MSRA: variants seen among roughly 807,000 people sequenced by gnomAD.
MSRA encodes methionine sulfoxide reductase A.
A neutral mutation model predicts 31.3 loss-of-function variants in MSRA; 54 were observed. The observed-to-expected ratio is 1.73, with a 90% confidence interval of 1.39 to 2.17. MSRA has a LOEUF of 2.17. Among genes scored for constraint, MSRA ranks in the 30% most tolerant of loss-of-function variants. The pLI is 0.00. For synonymous variants in MSRA, 169 were observed against 116.5 expected, an observed-to-expected ratio of 1.45 and a Z score of -2.90; for missense variants, 507 against 300.9, an observed-to-expected ratio of 1.69 and a Z score of -5.07.
At position 10,159,340 on chromosome 8, in the gene MSRA, A is replaced by C. The variant is rs184185228; in HGVS notation, c.143-48493A>C. On this transcript the variant is annotated intron_variant, in intron 1 of 5. Coordinates refer to ENST00000317173, the MANE Select transcript of MSRA (RefSeq NM_012331.5). Reference sequence around the variant, plus strand: ...TGGAGGGGTTGAGTTTGCATTTACTATCAAGAGAGGAGATCAGGAGTGGTC... The same window carrying C: ...TGGAGGGGTTGAGTTTGCATTTACTCTCAAGAGAGGAGATCAGGAGTGGTC... 1.3e-4 allele frequency among the ~76,000 whole-genome samples: 20 copies of C among 152,290 alleles called. No homozygotes were observed. The East Asian group carries it at 3.5e-3, about 26-fold the overall frequency.
intron 3 of MSRA, among the ~76,000 whole-genome samples, chr8:10,298,213 G>A (rs1365274538): frequency 1.3e-5 from 2 of 152,224 alleles, no homozygotes; most frequent in Non-Finnish European, 2.9e-5. Flanking sequence ...TGGTAAAAAG[G>A]TAGAGGCAAC....
intron 5 of MSRA, among the ~76,000 whole-genome samples, chr8:10,323,307 A>G (rs148198920): frequency 0.012 from 1,772 of 152,144 alleles, 16 homozygotes; most frequent in Middle Eastern, 0.051. Flanking sequence ...TAAAAGTCAC[A>G]TATGATAATG....
chr8:10,340,803 A>C (rs2129150270), intron 5 of MSRA, among the ~76,000 whole-genome samples: 1 of 152,388 alleles, frequency 6.6e-6, no homozygotes, highest in South Asian at 2.1e-4. Flanking sequence ...TACAAACTTA[A>C]AACCTGCAAA....
chr8:10,356,059 C>T (rs574620226), intron 5 of MSRA, among the ~76,000 whole-genome samples: 2 of 152,286 alleles, frequency 1.3e-5, no homozygotes, highest in South Asian at 4.2e-4. Context: ...CCTGAAGGCC[C>T]TTCATGTATC....
At chr8:10,358,118 G>A (rs1184811464) in intron 5 of MSRA, among the ~76,000 whole-genome samples, 8 of 152,040 alleles carry the variant, frequency 5.3e-5, no homozygotes, top group Non-Finnish European at 8.8e-5. Flanking sequence ...TAGTGGAGAC[G>A]GGGTTTCACC....
intron 2 of MSRA, among the ~76,000 whole-genome samples, chr8:10,236,298 G>A (rs1219079267): frequency 6.6e-6 from 1 of 152,146 alleles, no homozygotes; most frequent in Non-Finnish European, 1.5e-5. Flanking sequence ...ATAAGAATGG[G>A]AGAGGGAGAC....
rs372217134 is a variant in MSRA at position 10,301,664 on chromosome 8, T to C, written c.436+26T>C. 8.3e-6 allele frequency: 13 copies of C among 1,558,976 alleles called. No individual in the cohort carries two copies. The Admixed American group carries it at 2.1e-4, about 25-fold the overall frequency. On this transcript the variant is annotated intron_variant, in intron 4 of 5. Transcript: ENST00000317173. ...GTAGAGTGATGAGTGAGCCAGTATT[T>C]AATTATCTTACTAATTACAGCTGGG...
intron 2 of MSRA, 68 bp from the exon 3 acceptor site, chr8:10,245,036 G>A (rs1038720490): frequency 2.7e-6 from 4 of 1,496,620 alleles, no homozygotes; most frequent in Non-Finnish European, 3.6e-6. Context: ...ACAGGTGTAT[G>A]TGGATGTGCA....
chr8:10,073,191 A>T (rs76912457), intron 1 of MSRA, among the ~76,000 whole-genome samples: 1 of 152,142 alleles, frequency 6.6e-6, no homozygotes, highest in South Asian at 2.1e-4. Flanking sequence ...CTTTGTATCT[A>T]TCTTAGGGGA....
intron 5 of MSRA, among the ~76,000 whole-genome samples, chr8:10,326,929 G>C (rs1802395693): frequency 6.6e-6 from 1 of 152,126 alleles, no homozygotes; most frequent in Non-Finnish European, 1.5e-5. Flanking sequence ...AGCTCATTTA[G>C]GAATTAAATC....
chr8:10,400,866 C>G (rs547146515), intron 5 of MSRA, among the ~76,000 whole-genome samples: 1 of 152,252 alleles, frequency 6.6e-6, no homozygotes, highest in East Asian at 1.9e-4. Flanking sequence ...CCATACACAA[C>G]AATTAACTCA....
chr8:10,236,252 T>G (rs1811927423), intron 2 of MSRA, among the ~76,000 whole-genome samples: 1 of 152,186 alleles, frequency 6.6e-6, no homozygotes, highest in African/African-American at 2.4e-5. Context: ...TGGAAGGTCC[T>G]AGGCCAATGC....
rs80195883 is a variant in MSRA at position 10,212,645 on chromosome 8, T to G, written c.211+4744T>G. On this transcript the variant is annotated intron_variant, in intron 2 of 5. Coordinates refer to ENST00000317173, the MANE Select transcript of MSRA (RefSeq NM_012331.5). ...TTCAATAAGAGTGAGGGAATTGATC[T>G]GATTTTACAGTTGCAGTTTTAATAT... Among the ~76,000 whole-genome samples the G allele has an allele frequency of 2.3e-3, 350 of 152,346 alleles. 7 individuals carry two copies. In the South Asian group the frequency reaches 0.046, roughly 20 times the overall value.
chr8:10,287,619 C>A lies in MSRA; in HGVS notation c.332-13915C>A, dbSNP rs150139824. 1.1e-3 allele frequency among the ~76,000 whole-genome samples: 175 copies of A among 152,268 alleles called. 1 individual carries two copies. Among genetic ancestry groups the A allele is most frequent in the African/African-American group, 3.9e-3 (164 of 41,560 alleles). ...ACACCGTTCTCATGCGTTGGACTTA[C>A]TATTAGTGTCTTGGTCTGGTGAATT... On this transcript the variant is annotated intron_variant, in intron 3 of 5. Transcript: ENST00000317173.
chr8:10,292,621 C>T (rs1800303506), intron 3 of MSRA, among the ~76,000 whole-genome samples: 1 of 152,224 alleles, frequency 6.6e-6, no homozygotes. Flanking sequence ...GTCAGTCCCA[C>T]AGAATCGCAG....
intron 5 of MSRA, among the ~76,000 whole-genome samples, chr8:10,342,986 C>T (rs1157077400): frequency 2.7e-5 from 4 of 148,636 alleles, no homozygotes; most frequent in East Asian, 2.0e-4. Context: ...AATGAGATAA[C>T]GTGTGGAAAG....
intron 5 of MSRA, among the ~76,000 whole-genome samples, chr8:10,410,445 G>A (rs900641790): frequency 3.8e-4 from 58 of 152,270 alleles, no homozygotes; most frequent in African/African-American, 1.3e-3. Flanking sequence ...GTGACATTCC[G>A]TCACATCGCA....
At chr8:10,415,199 C>T (rs1808383870) in intron 5 of MSRA, among the ~76,000 whole-genome samples, 1 of 152,206 alleles carries the variant, frequency 6.6e-6, no homozygotes, top group Admixed American at 6.5e-5. Flanking sequence ...CAGCCCTGTC[C>T]AGCCTGGTGG....
chr8:10,374,966 C>G (rs149275563), intron 5 of MSRA, among the ~76,000 whole-genome samples: 2 of 152,334 alleles, frequency 1.3e-5, no homozygotes, highest in African/African-American at 4.8e-5. Context: ...CTCCCTCTCT[C>G]ACTATGCGAT....
Sources: gnomAD v4.1 joint callset for allele counts (sites outside exome capture counted in the v4.1 genomes callset) on GRCh38, gnomAD v4.1.1 for gene constraint, MANE v1.5 for transcripts, NCBI Gene and HGNC (gene_info 2026-07-23, HGNC 2026-07-21) for gene names.